Variants in HSPA4 observed in about 807,000 individuals in gnomAD.
The protein encoded by HSPA4 is heat shock 70 kDa protein 4.
A neutral mutation model predicts 106.2 loss-of-function variants in HSPA4; 25 were observed. That is an observed-to-expected ratio of 0.24 (90% CI 0.17 to 0.33). The LOEUF (loss-of-function observed/expected upper bound fraction) is 0.33. Ranked by LOEUF, HSPA4 falls within the 10% of genes least tolerant of loss-of-function variation. The pLI is 1.00. For synonymous variants in HSPA4, 332 were observed against 333.6 expected, an observed-to-expected ratio of 1.00 and a Z score of 0.05; for missense variants, 841 against 996.0, an observed-to-expected ratio of 0.84 and a Z score of 2.10.
intron 10 of HSPA4, 106 bp downstream of exon 10, chr5:133,089,267 A>G: frequency 3.0e-6 from 2 of 671,194 alleles, no homozygotes; most frequent in Non-Finnish European, 2.5e-6. Context: ...ACATTTTATC[A>G]TAGTGCATGA....
Position 133,099,621 on chromosome 5 carries a change from A to C in HSPA4, c.2006A>C (p.Gln669Pro). The change falls in exon 16 of 19, where the codon CAA (glutamine) becomes CCA (proline). Residue 669 changes from glutamine to proline, a missense_variant. Coordinates refer to ENST00000304858, the MANE Select transcript of HSPA4 (RefSeq NM_002154.4). ...GAGGATGGAGAAGACCAGCCAAAGC[A>C]AGTTTATGTTGATAAGTTGGCTGAA... ...LYEDGEDQPKQVYVDKLAELK... is the reference protein window; with the variant it reads ...LYEDGEDQPKPVYVDKLAELK... 6.2e-7 allele frequency: 1 copy of C among 1,601,060 alleles called. No individual in the cohort carries two copies. Among genetic ancestry groups the C allele is most frequent in the South Asian group, 1.1e-5 (1 of 90,100 alleles).
intron 8 of HSPA4, among the ~76,000 whole-genome samples, chr5:133,087,603 G>A (rs1165924879): frequency 6.6e-6 from 1 of 152,104 alleles, no homozygotes; most frequent in Admixed American, 6.5e-5. Flanking sequence ...CGAAGAAACT[G>A]TACCTGTAGT....
chr5:133,091,447 G>A, intron 12 of HSPA4, 73 bp downstream of exon 12: 1 of 1,178,164 alleles, frequency 8.5e-7, no homozygotes, highest in Non-Finnish European at 1.2e-6. Flanking sequence ...AAGCAGACTT[G>A]GTGGCAAGGC....
chr5:133,067,354 G>A, intron 2 of HSPA4, 63 bp from the exon 3 acceptor site: 1 of 1,340,308 alleles, frequency 7.5e-7, no homozygotes. Context: ...TTTAATCTGA[G>A]GCTGTTGAAA....
intron 1 of HSPA4, among the ~76,000 whole-genome samples, chr5:133,055,692 CAA>C (rs1333247039): frequency 6.6e-6 from 1 of 151,944 alleles, no homozygotes; most frequent in Non-Finnish European, 1.5e-5. Context: ...AAATACTAAA[CAA>C]AAATATGTAG....
chr5:133,075,636 T>C (rs1005440135), intron 6 of HSPA4, among the ~76,000 whole-genome samples: 3 of 152,022 alleles, frequency 2.0e-5, no homozygotes, highest in African/African-American at 7.2e-5. Context: ...GAGAACAGCC[T>C]GGGCAACATG....
At chr5:133,064,058 T>C (rs1765278354) in intron 1 of HSPA4, among the ~76,000 whole-genome samples, 1 of 152,188 alleles carries the variant, frequency 6.6e-6, no homozygotes, top group Non-Finnish European at 1.5e-5. Context: ...CACTGCACTT[T>C]TTAAGCGTAA....
At position 133,067,563 on chromosome 5, in the gene HSPA4, G is replaced by C. The variant is rs1043880107; in HGVS notation, c.306+6G>C. 3.1e-6 allele frequency: 5 copies of C among 1,606,138 alleles called. No homozygotes were observed. In the Admixed American group the frequency reaches 5.1e-5, roughly 16 times the overall value. The stretch of plus-strand genomic sequence containing the variant: ...CAGGATTAACAGGTATAAAGGTAAG[G>C]TTGTCAGGTTAATGCCTTTTAATTA... On this transcript the variant is annotated splice_donor_region_variant and intron_variant, in intron 3 of 18. Transcript: ENST00000304858.
chr5:133,055,802 G>T lies in HSPA4; in HGVS notation c.107+3445G>T, dbSNP rs565294993. On this transcript the variant is annotated intron_variant, in intron 1 of 18. Transcript: ENST00000304858. ...AATTTAAATTGGATGGAAGGACCTG[G>T]CACGATAGCTCATGCCTGTAATCCC... Among the ~76,000 whole-genome samples the T allele has an allele frequency of 4.6e-5, 7 of 152,304 alleles. No individual in the cohort carries two copies. In the South Asian group the frequency reaches 1.4e-3, roughly 32 times the overall value.
intron 7 of HSPA4, among the ~76,000 whole-genome samples, chr5:133,086,319 A>G (rs2126709355): frequency 6.6e-6 from 1 of 152,346 alleles, no homozygotes; most frequent in Middle Eastern, 3.4e-3. Flanking sequence ...TTCTCTGGAT[A>G]TACCTATTCT....
intron 12 of HSPA4, among the ~76,000 whole-genome samples, chr5:133,091,866 A>G (rs1450108083): frequency 6.6e-6 from 1 of 151,872 alleles, no homozygotes; most frequent in Non-Finnish European, 1.5e-5. Context: ...ATCTCTACAA[A>G]AAGTTAAAAA....
intron 5 of HSPA4, among the ~76,000 whole-genome samples, chr5:133,073,774 C>T (rs1331233942): frequency 3.9e-5 from 6 of 152,090 alleles, no homozygotes; most frequent in Admixed American, 3.9e-4. Flanking sequence ...ATGCCAAAGT[C>T]CATTGGCAAC....
rs1765087571 is a variant in HSPA4, at chr5:133,052,148, C to T, written c.-103C>T. The stretch of plus-strand genomic sequence containing the variant: ...GTGGACACCGCAAGCCCCTCAGTAG[C>T]CTCGGCCCAAGAGGCCTGCTTTCCA... On this transcript the variant is annotated 5_prime_UTR_variant, in exon 1 of 19. Transcript: ENST00000304858. The T allele has an allele frequency of 4.0e-6, 3 of 753,624 alleles. No individual in the cohort carries two copies. The highest frequency in any genetic ancestry group is 3.2e-5 in the South Asian group (2 of 62,858). The allele number at this position is 753,624 out of a possible 1,614,324, so 46.7% of individuals were successfully genotyped here. A position where few individuals can be genotyped will look rare whatever the true frequency, so the allele number is the denominator to read the frequency against.
At chr5:133,091,164 G>C in intron 11 of HSPA4, 29 bp from the exon 12 acceptor site, 1 of 1,568,996 alleles carries the variant, frequency 6.4e-7, no homozygotes, top group Non-Finnish European at 8.8e-7. Context: ...CTTAGGTTAT[G>C]TGTTCTTTTG....
chr5:133,060,221 A>G (rs1052177610), intron 1 of HSPA4, among the ~76,000 whole-genome samples: 3 of 152,110 alleles, frequency 2.0e-5, no homozygotes, highest in Non-Finnish European at 4.4e-5. Context: ...AATTTTCTAC[A>G]GTAAACTTGT....
At chr5:133,059,168 C>A (rs1003164288) in intron 1 of HSPA4, among the ~76,000 whole-genome samples, 1 of 151,014 alleles carries the variant, frequency 6.6e-6, no homozygotes, top group East Asian at 2.0e-4. Context: ...ATAAAAGAGG[C>A]TGGGTGTGGT....
intron 1 of HSPA4, among the ~76,000 whole-genome samples, chr5:133,063,374 C>G (rs1485958035): frequency 6.6e-6 from 1 of 152,122 alleles, no homozygotes; most frequent in Admixed American, 6.5e-5. Flanking sequence ...TTGCTTTGGC[C>G]TCCCAAAACG....
intron 8 of HSPA4, 66 bp downstream of exon 8, chr5:133,086,924 C>T: frequency 8.0e-7 from 1 of 1,245,502 alleles, no homozygotes. Context: ...TATTTATTAT[C>T]TTACTTTTGC....
Position 133,089,596 on chromosome 5 carries a change from C to T in HSPA4, c.1279C>T (p.Pro427Ser), listed in dbSNP as rs1377225705. ...AGTCTTTTCCAAAAATCATGCTGCT[C>T]CTTTCTCTAAAGTTCTTACATTTTA... Reference protein sequence around the residue: ...CEVFSKNHAAPFSKVLTFYRK... With the variant: ...CEVFSKNHAASFSKVLTFYRK... Residue 427 changes from proline (P) to serine (S), a missense_variant, in exon 11 of 19, where the codon CCT becomes TCT. This residue lies in a region of HSPA4 where 162 missense variants were observed against 177.7 expected (regional missense o/e 0.91). Transcript: ENST00000304858. 6.2e-7 allele frequency: 1 copy of T among 1,613,338 alleles called. No individual in the cohort carries two copies. The highest frequency in any genetic ancestry group is 1.1e-5 in the South Asian group (1 of 91,044).
Sources: allele counts gnomAD v4.1 joint callset (sites outside exome capture counted in the v4.1 genomes callset), GRCh38; gene constraint gnomAD v4.1.1; regional missense constraint gnomAD v4.1.1; transcripts MANE v1.5; gene names NCBI Gene and HGNC (gene_info 2026-07-23, HGNC 2026-07-21).